The following NRG3 variants were observed in gnomAD, a reference collection of about 807,000 sequenced individuals.
NRG3 encodes neuregulin 3.
A neutral mutation model predicts 66.9 loss-of-function variants in NRG3; 31 were observed. The observed-to-expected ratio is 0.46, with a 90% CI of 0.35 to 0.63. The LOEUF (loss-of-function observed/expected upper bound fraction) is 0.63, where lower values mean the gene tolerates loss of function less well. Ranked by LOEUF, NRG3 falls within the 20% of genes least tolerant of loss-of-function variation. The pLI, the probability that NRG3 is intolerant of heterozygous loss-of-function variation, is 0.00. For missense variants in NRG3, 910 were observed against 878.9 expected (o/e 1.04, Z -0.45); for synonymous variants, 393 against 359.4 (o/e 1.09, Z -1.06).
At chr10:82,734,812 AT>A in intron 2 of NRG3, among the ~76,000 whole-genome samples, 1 of 152,048 alleles carries the variant, frequency 6.6e-6, no homozygotes, top group Non-Finnish European at 1.5e-5. Context: ...GAGGCCAGGA[AT>A]TTGAGACCAA....
At chr10:82,170,334 G>T (rs2072470152) in intron 1 of NRG3, among the ~76,000 whole-genome samples, 1 of 151,916 alleles carries the variant, frequency 6.6e-6, no homozygotes, top group Non-Finnish European at 1.5e-5. Context: ...CAAGCATGTG[G>T]CCGGGTCTTC....
At chr10:81,985,397 C>T (rs1005638858) in intron 1 of NRG3, among the ~76,000 whole-genome samples, 1 of 152,230 alleles carries the variant, frequency 6.6e-6, no homozygotes, top group Non-Finnish European at 1.5e-5. Context: ...CAGAGATGTT[C>T]ACTGGATGGT....
chr10:82,764,418 C>T (rs113025593), intron 3 of NRG3, among the ~76,000 whole-genome samples: 7,103 of 147,512 alleles, frequency 0.048, 590 homozygotes, highest in African/African-American at 0.17. Flanking sequence ...CGCTCTGTCG[C>T]CTAAGTGCAG....
intron 2 of NRG3, among the ~76,000 whole-genome samples, chr10:82,511,320 G>T (rs1011451882): frequency 6.6e-6 from 1 of 152,192 alleles, no homozygotes; most frequent in Non-Finnish European, 1.5e-5. Context: ...CCCAATTTGT[G>T]CACGATTCTC....
At chr10:82,155,889 C>A (rs370354572) in intron 1 of NRG3, among the ~76,000 whole-genome samples, 15 of 151,832 alleles carry the variant, frequency 9.9e-5, no homozygotes, top group Non-Finnish European at 1.8e-4. Flanking sequence ...GTAGCAGAAT[C>A]CTCTAAACTT....
intron 1 of NRG3, among the ~76,000 whole-genome samples, chr10:82,151,179 C>G (rs754916698): frequency 6.6e-6 from 1 of 152,196 alleles, no homozygotes; most frequent in African/African-American, 2.4e-5. Context: ...GGTGAGGAAG[C>G]TGGACTCACA....
intron 6 of NRG3, among the ~76,000 whole-genome samples, chr10:82,966,202 A>T (rs1005926373): frequency 7.9e-5 from 12 of 152,190 alleles, no homozygotes; most frequent in African/African-American, 2.9e-4. Context: ...GTTTATTCTG[A>T]TTTTTTGAGT....
chr10:82,326,994 A>G (rs1318766604), intron 1 of NRG3, among the ~76,000 whole-genome samples: 1 of 152,234 alleles, frequency 6.6e-6, no homozygotes, highest in Admixed American at 6.5e-5. Flanking sequence ...AAAGGCTAGT[A>G]TCATTAAAAT....
At chr10:82,755,361 C>T (rs2059035173) in intron 3 of NRG3, among the ~76,000 whole-genome samples, 1 of 152,092 alleles carries the variant, frequency 6.6e-6, no homozygotes, top group South Asian at 2.1e-4. Flanking sequence ...TCTTCTCAAA[C>T]AATCAACCTC....
At chr10:82,355,897 G>A (rs962994804) in intron 1 of NRG3, among the ~76,000 whole-genome samples, 2 of 152,072 alleles carry the variant, frequency 1.3e-5, no homozygotes, top group Admixed American at 6.6e-5. Flanking sequence ...TTTTATTATT[G>A]TTTATTATAT....
chr10:81,927,715 C>G (rs899590339), intron 1 of NRG3, among the ~76,000 whole-genome samples: 24 of 152,148 alleles, frequency 1.6e-4, no homozygotes, highest in Admixed American at 1.3e-3. Flanking sequence ...TACTGTAAAC[C>G]AAAAACAAAA....
chr10:82,838,882 TG>T (rs1376570337), intron 3 of NRG3, among the ~76,000 whole-genome samples: 8 of 152,104 alleles, frequency 5.3e-5, no homozygotes, highest in Non-Finnish European at 1.2e-4. Flanking sequence ...CAGTTCCACA[TG>T]GCTGGGGAGG....
chr10:82,437,800 C>G (rs1234742609), intron 2 of NRG3, among the ~76,000 whole-genome samples: 2 of 152,056 alleles, frequency 1.3e-5, no homozygotes, highest in African/African-American at 4.8e-5. Flanking sequence ...GTAGTCAGGT[C>G]CCTCTTCTAT....
intron 1 of NRG3, among the ~76,000 whole-genome samples, chr10:81,910,010 T>G (rs1165648151): frequency 1.3e-5 from 2 of 152,214 alleles, no homozygotes; most frequent in South Asian, 2.1e-4. Context: ...TTTGCACTAT[T>G]GCACACTAAA....
intron 2 of NRG3, among the ~76,000 whole-genome samples, chr10:82,380,043 C>T (rs2085509427): frequency 6.6e-6 from 1 of 151,850 alleles, no homozygotes; most frequent in African/African-American, 2.4e-5. Context: ...GTTTTGTTGC[C>T]ATTCCTCAAT....
At chr10:82,262,649 T>A (rs1455337766) in intron 1 of NRG3, among the ~76,000 whole-genome samples, 1 of 152,220 alleles carries the variant, frequency 6.6e-6, no homozygotes, top group Non-Finnish European at 1.5e-5. Context: ...TGTGAACTCC[T>A]TACTTGATGC....
At chr10:82,228,066 A>C (rs1443446262) in intron 1 of NRG3, among the ~76,000 whole-genome samples, 1 of 152,196 alleles carries the variant, frequency 6.6e-6, no homozygotes, top group Non-Finnish European at 1.5e-5. Flanking sequence ...TCAGATGAGA[A>C]TATCAACAGG....
At chr10:81,934,941 A>G (rs1440889941) in intron 1 of NRG3, among the ~76,000 whole-genome samples, 1 of 152,222 alleles carries the variant, frequency 6.6e-6, no homozygotes, top group Non-Finnish European at 1.5e-5. Context: ...AACTGCTGAC[A>G]CTAAGAGGCC....
At chr10:82,164,470 A>C (rs987867879) in intron 1 of NRG3, among the ~76,000 whole-genome samples, 1 of 152,116 alleles carries the variant, frequency 6.6e-6, no homozygotes, top group African/African-American at 2.4e-5. Context: ...CTAACTCTAC[A>C]TTTGTACTCA....
Sources: allele counts gnomAD v4.1 joint callset (sites outside exome capture counted in the v4.1 genomes callset), GRCh38; gene constraint gnomAD v4.1.1; transcripts MANE v1.5; gene names NCBI Gene and HGNC (gene_info 2026-07-23, HGNC 2026-07-21).